The following MACROD2 variants were observed in gnomAD, a reference collection of about 807,000 sequenced individuals.
MACROD2 encodes mono-ADP ribosylhydrolase 2, also known as ADP-ribose glycohydrolase MACROD2.
A neutral mutation model predicts 70.4 loss-of-function variants in MACROD2; 36 were observed. The ratio of observed to expected loss-of-function variants is 0.51; its 90% confidence interval spans 0.39 to 0.68. The LOEUF is 0.68. Among genes scored for constraint, MACROD2 ranks in the 30% least tolerant of loss-of-function variants. The probability of loss-of-function intolerance (pLI) is 0.00; values close to 1 mark genes in which losing one functional copy is unlikely to be tolerated. For synonymous variants in MACROD2, 172 were observed against 178.8 expected (o/e 0.96, Z 0.30); for missense variants, 496 against 538.4 (o/e 0.92, Z 0.78).
At chr20:15,778,324 A>T (rs11697813) in intron 8 of MACROD2, among the ~76,000 whole-genome samples, 9,486 of 152,196 alleles carry the variant, frequency 0.062, 350 homozygotes, top group East Asian at 0.13. Context: ...GTGCATTTCT[A>T]TATCCATATA....
intron 3 of MACROD2, among the ~76,000 whole-genome samples, chr20:14,443,579 G>A (rs2084150681): frequency 6.6e-6 from 1 of 152,116 alleles, no homozygotes; most frequent in Non-Finnish European, 1.5e-5. Context: ...TTACAGGCAT[G>A]AGCCACTGCG....
intron 8 of MACROD2, among the ~76,000 whole-genome samples, chr20:15,713,427 C>T (rs2050657223): frequency 6.6e-6 from 1 of 152,168 alleles, no homozygotes; most frequent in South Asian, 2.1e-4. Context: ...GTTTAATTTG[C>T]TCATGGTTCT....
Position 14,650,574 on chromosome 20 carries a change from A to G in MACROD2, c.302-34269A>G, listed in dbSNP as rs114822499. On this transcript the variant is annotated intron_variant, in intron 4 of 17. Transcript: ENST00000684519. ...TTCTTCTTACAAGTTTAAGACTCAA[A>G]TGGAACTGACTTTTTCAGCCTATTT... is the stretch of plus-strand genomic sequence containing the variant. Among the ~76,000 whole-genome samples the G allele has an allele frequency of 5.0e-3, 761 of 152,314 alleles. 7 individuals carry two copies. The highest frequency in any genetic ancestry group is 0.017 in the African/African-American group (709 of 41,568).
At chr20:14,170,438 T>A (rs2081210423) in intron 3 of MACROD2, among the ~76,000 whole-genome samples, 1 of 152,122 alleles carries the variant, frequency 6.6e-6, no homozygotes, top group Admixed American at 6.5e-5. Context: ...TCAGGGGAAA[T>A]GCTTTCAAGT....
intron 5 of MACROD2, among the ~76,000 whole-genome samples, chr20:15,192,030 C>G (rs894532005): frequency 1.1e-4 from 17 of 149,792 alleles, no homozygotes; most frequent in African/African-American, 3.5e-4. Flanking sequence ...ATCTATCTAT[C>G]TATCTATCTA....
chr20:14,496,880 T>C (rs1056498101), intron 4 of MACROD2, among the ~76,000 whole-genome samples: 2 of 151,738 alleles, frequency 1.3e-5, no homozygotes, highest in Non-Finnish European at 2.9e-5. Flanking sequence ...TTGACAAACT[T>C]TCCATTATTA....
intron 5 of MACROD2, among the ~76,000 whole-genome samples, chr20:15,137,806 A>T (rs936561378): frequency 3.3e-5 from 5 of 152,106 alleles, no homozygotes; most frequent in Admixed American, 2.0e-4. Context: ...TACATTAATC[A>T]ATCTTTTTCT....
At chr20:14,569,735 C>G (rs1459190227) in intron 4 of MACROD2, among the ~76,000 whole-genome samples, 3 of 151,846 alleles carry the variant, frequency 2.0e-5, no homozygotes, top group Non-Finnish European at 2.9e-5. Context: ...TATCCAGGAG[C>G]TTAAACTTTA....
chr20:15,310,282 T>A (rs1170572440), intron 6 of MACROD2, among the ~76,000 whole-genome samples: 1 of 152,206 alleles, frequency 6.6e-6, no homozygotes, highest in Non-Finnish European at 1.5e-5. Flanking sequence ...GAATGGCAAC[T>A]GACGAGCCTG....
At chr20:14,546,381 C>T (rs2085491858) in intron 4 of MACROD2, among the ~76,000 whole-genome samples, 1 of 152,054 alleles carries the variant, frequency 6.6e-6, no homozygotes, top group Non-Finnish European at 1.5e-5. Context: ...AAATATTTTG[C>T]AAATCTGCTT....
At chr20:15,284,489 A>T (rs1192547605) in intron 6 of MACROD2, among the ~76,000 whole-genome samples, 1 of 152,132 alleles carries the variant, frequency 6.6e-6, no homozygotes, top group Admixed American at 6.5e-5. Flanking sequence ...CCATAGGTAA[A>T]AGTGTTCTTC....
intron 12 of MACROD2, among the ~76,000 whole-genome samples, chr20:15,943,435 G>A (rs1002059318): frequency 1.3e-5 from 2 of 152,122 alleles, no homozygotes; most frequent in Non-Finnish European, 2.9e-5. Flanking sequence ...TCAGAGTGAG[G>A]ACAAGGCTGT....
intron 3 of MACROD2, among the ~76,000 whole-genome samples, chr20:14,225,909 G>A (rs754210346): frequency 1.3e-5 from 2 of 152,180 alleles, no homozygotes; most frequent in Non-Finnish European, 2.9e-5. Context: ...AGTGTAAGCT[G>A]AAAATAGTGT....
intron 8 of MACROD2, among the ~76,000 whole-genome samples, chr20:15,607,654 C>G (rs564717900): frequency 7.2e-5 from 11 of 152,324 alleles, no homozygotes; most frequent in Non-Finnish European, 1.6e-4. Context: ...CCACCTCGGC[C>G]TCCTGAATAG....
At chr20:15,723,758 G>T (rs1286840104) in intron 8 of MACROD2, among the ~76,000 whole-genome samples, 11 of 152,290 alleles carry the variant, frequency 7.2e-5, no homozygotes, top group Non-Finnish European at 1.5e-4. Flanking sequence ...ACCTCTTTGT[G>T]GTGGTTTTTG....
In MACROD2 at chr20:15,920,639, G is replaced by C. The variant is rs114418670; in HGVS notation, c.776-12637G>C. Among the ~76,000 whole-genome samples the C allele has an allele frequency of 6.4e-3, 975 of 152,098 alleles. 10 individuals are homozygous for C. The highest frequency in any genetic ancestry group is 0.022 in the African/African-American group (907 of 41,466). The stretch of plus-strand genomic sequence containing the variant: ...ACTCCACAACATGCAGTTTTTCCAG[G>C]CTGTCAGCTAGGGTGGAATGCAGGG... On this transcript the variant is annotated intron_variant, in intron 10 of 17. Coordinates refer to ENST00000684519, the MANE Select transcript of MACROD2 (RefSeq NM_001351661.2).
intron 8 of MACROD2, among the ~76,000 whole-genome samples, chr20:15,667,152 G>A (rs1014739527): frequency 6.6e-6 from 1 of 152,170 alleles, no homozygotes. Flanking sequence ...GGCCATCAGG[G>A]TGGATCCCTC....
intron 5 of MACROD2, among the ~76,000 whole-genome samples, chr20:15,046,161 G>A (rs1600994408): frequency 6.6e-6 from 1 of 151,106 alleles, no homozygotes; most frequent in Admixed American, 6.6e-5. Context: ...TAGAATAAAT[G>A]CCACATAAGG....
chr20:14,658,346 A>G (rs1986072658), intron 4 of MACROD2, among the ~76,000 whole-genome samples: 1 of 151,588 alleles, frequency 6.6e-6, no homozygotes, highest in Non-Finnish European at 1.5e-5. Flanking sequence ...GATCTCAGAA[A>G]CTTAAATTAT....
Sources: gnomAD v4.1 joint callset for allele counts (sites outside exome capture counted in the v4.1 genomes callset) on GRCh38, gnomAD v4.1.1 for gene constraint, MANE v1.5 for transcripts, NCBI Gene and HGNC (gene_info 2026-07-23, HGNC 2026-07-21) for gene names.